Variants in NBEAL1 observed in about 807,000 individuals in gnomAD.
NBEAL1 encodes neurobeachin-like protein 1.
NBEAL1 carries 273 observed loss-of-function variants against 351.3 expected under a neutral mutation model. The ratio of observed to expected loss-of-function variants is 0.78; its 90% CI spans 0.70 to 0.86. NBEAL1 has a LOEUF of 0.86. NBEAL1 is among the 40% of genes least tolerant of loss of function. The probability of loss-of-function intolerance (pLI) is 0.00; values close to 1 mark genes in which losing one functional copy is unlikely to be tolerated. For missense variants in NBEAL1, 2,961 were observed against 3,201.3 expected, an observed-to-expected ratio of 0.92 and a Z score of 1.81; for synonymous variants, 1,050 against 1,086.4, an observed-to-expected ratio of 0.97 and a Z score of 0.66.
rs976998777 is a variant in NBEAL1 at position 203,223,884 on chromosome 2, C to T, written c.*6530C>T. Among the ~76,000 whole-genome samples the T allele has an allele frequency of 3.3e-5, 5 of 151,998 alleles. No homozygotes were observed. Among genetic ancestry groups the T allele is most frequent in the African/African-American group, 1.2e-4 (5 of 41,424 alleles). Reference sequence around the variant, plus strand: ...TATACGACATAATTGTTTTACTCTTCAGAATGTGAAAGTTATATTAATCAC... The same window carrying T: ...TATACGACATAATTGTTTTACTCTTTAGAATGTGAAAGTTATATTAATCAC... On this transcript the variant is annotated 3_prime_UTR_variant, in exon 56 of 56. Transcript: ENST00000683969.
chr2:203,041,711 AT>A (rs35056108), intron 2 of NBEAL1, 53 bp from the exon 3 acceptor site: 3,754 of 1,072,060 alleles, frequency 3.5e-3, no homozygotes, highest in Non-Finnish European at 4.0e-3. Flanking sequence ...GTGTAGAAGC[AT>A]TTTTTTTTTC....
chr2:203,140,635 C>A (rs1303658043), intron 31 of NBEAL1, among the ~76,000 whole-genome samples: 1 of 151,886 alleles, frequency 6.6e-6, no homozygotes, highest in African/African-American at 2.4e-5. Context: ...TTGAATTATA[C>A]AGACTTTTAA....
intron 43 of NBEAL1, chr2:203,181,335 A>G (rs1347597887): frequency 6.6e-6 from 1 of 152,180 alleles, no homozygotes; most frequent in Non-Finnish European, 1.5e-5. Context: ...AAAAATATTT[A>G]TTCTTTGACT....
intron 6 of NBEAL1, among the ~76,000 whole-genome samples, chr2:203,064,712 C>T (rs80187376): frequency 0.036 from 5,479 of 151,946 alleles, 325 homozygotes; most frequent in African/African-American, 0.12. Context: ...TTAAAAGAGG[C>T]GAAAGAGACA....
At chr2:203,132,962 A>C (rs1182202720) in intron 26 of NBEAL1, 96 bp from the exon 27 acceptor site, 1 of 635,552 alleles carries the variant, frequency 1.6e-6, no homozygotes, top group Admixed American at 3.3e-5. Flanking sequence ...TTTAAAATGA[A>C]ATAATTATTT....
chr2:203,117,069 T>TC (rs2062716835), intron 18 of NBEAL1, among the ~76,000 whole-genome samples: 1 of 152,038 alleles, frequency 6.6e-6, no homozygotes, highest in Admixed American at 6.6e-5. Context: ...GCCACTGCTC[T>TC]CCAGCCTGGG....
At chr2:203,210,936 A>T (rs1369906161) in intron 53 of NBEAL1, 22 bp from the exon 54 acceptor site, 2 of 1,472,370 alleles carry the variant, frequency 1.4e-6, no homozygotes, top group Non-Finnish European at 1.8e-6. Context: ...GAAATTGTTG[A>T]ATTTTCCTTA....
At chr2:203,152,410 G>A (rs1205599274) in intron 35 of NBEAL1, among the ~76,000 whole-genome samples, 2 of 146,842 alleles carry the variant, frequency 1.4e-5, no homozygotes, top group African/African-American at 2.5e-5. Context: ...CCAACATAGT[G>A]AAACCCCGTC....
intron 17 of NBEAL1, among the ~76,000 whole-genome samples, chr2:203,114,010 A>G (rs915637432): frequency 3.3e-5 from 5 of 151,924 alleles, no homozygotes; most frequent in African/African-American, 1.2e-4. Context: ...TTTAGTAGAG[A>G]CGAGGGTTTA....
intron 17 of NBEAL1, among the ~76,000 whole-genome samples, chr2:203,114,016 G>T (rs988392750): frequency 1.3e-5 from 2 of 152,020 alleles, no homozygotes; most frequent in African/African-American, 4.8e-5. Flanking sequence ...AGAGACGAGG[G>T]TTTAACGGTG....
chr2:203,086,477 C>T (rs1165543454), intron 10 of NBEAL1, among the ~76,000 whole-genome samples: 2 of 152,180 alleles, frequency 1.3e-5, no homozygotes, highest in African/African-American at 4.8e-5. Flanking sequence ...TTGAATGTCT[C>T]TCAAAATTTT....
intron 45 of NBEAL1, 116 bp downstream of exon 45, chr2:203,188,705 C>A (rs2064985331): frequency 1.7e-6 from 1 of 594,270 alleles, no homozygotes; most frequent in Non-Finnish European, 2.9e-6. Flanking sequence ...TTAAAAACAT[C>A]TTTTTACTTG....
chr2:203,091,114 C>T (rs2062056296), intron 10 of NBEAL1, among the ~76,000 whole-genome samples: 1 of 152,144 alleles, frequency 6.6e-6, no homozygotes, highest in African/African-American at 2.4e-5. Flanking sequence ...AATGAAAACT[C>T]TATACCCATT....
At chr2:203,124,318 C>T (rs561643673) in intron 19 of NBEAL1, among the ~76,000 whole-genome samples, 3 of 152,170 alleles carry the variant, frequency 2.0e-5, no homozygotes, top group South Asian at 2.1e-4. Context: ...AGTGACAGAG[C>T]GAAACCCTGT....
chr2:203,205,630 A>G (rs1046229819), intron 51 of NBEAL1, among the ~76,000 whole-genome samples: 2 of 152,188 alleles, frequency 1.3e-5, no homozygotes, highest in Admixed American at 1.3e-4. Flanking sequence ...AGTTTATGGT[A>G]TATTGTTATT....
At chr2:203,021,354 G>C (rs1402437519) in intron 2 of NBEAL1, among the ~76,000 whole-genome samples, 1 of 151,942 alleles carries the variant, frequency 6.6e-6, no homozygotes, top group Non-Finnish European at 1.5e-5. Flanking sequence ...AACACTTTGG[G>C]AGGCTGAGGC....
intron 10 of NBEAL1, among the ~76,000 whole-genome samples, chr2:203,091,458 A>G (rs1164879730): frequency 6.6e-6 from 1 of 152,106 alleles, no homozygotes; most frequent in Non-Finnish European, 1.5e-5. Flanking sequence ...TCAAGATACC[A>G]TTTTCAGTTC....
chr2:203,178,154 T>C (rs1173450775), intron 42 of NBEAL1, among the ~76,000 whole-genome samples: 1 of 151,398 alleles, frequency 6.6e-6, no homozygotes, highest in Non-Finnish European at 1.5e-5. Context: ...CCAGCCTTTT[T>C]TTTTTCTTTT....
At chr2:203,130,150 A>G (rs1413055584) in intron 24 of NBEAL1, among the ~76,000 whole-genome samples, 168 bp from the exon 25 acceptor site, 1 of 152,194 alleles carries the variant, frequency 6.6e-6, no homozygotes, top group African/African-American at 2.4e-5. Flanking sequence ...TGACAGAGGG[A>G]GATTCTGTCT....
Sources: allele counts gnomAD v4.1 joint callset (sites outside exome capture counted in the v4.1 genomes callset), GRCh38; gene constraint gnomAD v4.1.1; transcripts MANE v1.5; gene names NCBI Gene and HGNC (gene_info 2026-07-23, HGNC 2026-07-21).